The following CDC42 variants were observed in gnomAD, a reference collection of about 807,000 sequenced individuals.
CDC42 encodes the protein cell division cycle 42, also known as cell division control protein 42 homolog.
A neutral mutation model predicts 20.8 loss-of-function variants in CDC42; 1 was observed. That is an observed-to-expected ratio of 0.05 (90% CI 0.02 to 0.23). The LOEUF is 0.23. Among genes scored for constraint, CDC42 ranks in the 10% least tolerant of loss-of-function variants. The probability of loss-of-function intolerance (pLI) is 1.00; values close to 1 mark genes in which losing one functional copy is unlikely to be tolerated. For synonymous variants in CDC42, 72 were observed against 84.8 expected (o/e 0.85, Z 0.83); for missense variants, 49 against 227.9 (o/e 0.21, Z 5.05).
At chr1:22,063,971 T>G (rs1645393260) in intron 1 of CDC42, 1 of 152,026 alleles carries the variant, frequency 6.6e-6, no homozygotes, top group South Asian at 2.1e-4. Flanking sequence ...CTTCCTGCCT[T>G]GGCCTCCCAA....
chr1:22,078,408 A>G (rs1230708601), intron 1 of CDC42, 21 bp from the exon 2 acceptor site: 5 of 1,176,250 alleles, frequency 4.3e-6, no homozygotes, highest in Non-Finnish European at 6.2e-6. Context: ...AAATAAACAA[A>G]TGTCTTTAAT....
chr1:22,069,290 C>T (rs1645457756), intron 1 of CDC42, among the ~76,000 whole-genome samples: 1 of 150,904 alleles, frequency 6.6e-6, no homozygotes, highest in South Asian at 2.1e-4. Context: ...ATTCTCCTGC[C>T]TCACCCTCCC....
chr1:22,084,333 C>CTTTTTTTTTTT (rs1481666350), intron 3 of CDC42, among the ~76,000 whole-genome samples: 1 of 40,212 alleles, frequency 2.5e-5, no homozygotes, highest in Admixed American at 3.1e-4. Flanking sequence ...CACTTATTTC[C>CTTTTTTTTTTT]TGTTTTTTTT....
At chr1:22,064,204 A>C (rs1221626036) in intron 1 of CDC42, 1 of 152,168 alleles carries the variant, frequency 6.6e-6, no homozygotes, top group African/African-American at 2.4e-5. Flanking sequence ...AAACAAAAAA[A>C]CAAAAAACCT....
In CDC42 at chr1:22,064,274, A is replaced by G. The variant is rs1569972650; in HGVS notation, c.-51+11532A>G. On this transcript the variant is annotated intron_variant, in intron 1 of 5. Transcript: ENST00000656825. Reference sequence around the variant, plus strand: ...TGTAATCTTTCTTCCCTTCTAATCAAATACTCTTGTGAATGCTCTTTTTTT... The same window carrying G: ...TGTAATCTTTCTTCCCTTCTAATCAGATACTCTTGTGAATGCTCTTTTTTT... 2.0e-5 allele frequency: 3 copies of G among 150,810 alleles called. No individual in the cohort carries two copies. The East Asian group carries it at 5.9e-4, about 30-fold the overall frequency. 9.3% of individuals were successfully genotyped at this position (150,810 alleles called of 1,614,324 possible).
intron 1 of CDC42, among the ~76,000 whole-genome samples, chr1:22,070,063 TAGGCTTG>T (rs1235678248): frequency 6.6e-6 from 1 of 152,162 alleles, no homozygotes; most frequent in East Asian, 1.9e-4. Context: ...GCTGGGATTG[TAGGCTTG>T]AGCCACTGTG....
At position 22,097,990 on chromosome 1, in the gene CDC42, C is replaced by T. The variant is rs1645768228; in HGVS notation, c.*6473C>T. Among the ~76,000 whole-genome samples the T allele has an allele frequency of 6.6e-6, 1 of 152,052 alleles. No individual in the cohort carries two copies. Among genetic ancestry groups the T allele is most frequent in the Admixed American group, 6.6e-5 (1 of 15,262 alleles). ...TAAGGTAAGTATAGCATTTTCTCAA[C>T]CCTATTACAATAGAGCACAGGATCA... On this transcript the variant is annotated 3_prime_UTR_variant, in exon 6 of 6. Coordinates refer to ENST00000656825, the MANE Select transcript of CDC42 (RefSeq NM_001791.4).
intron 3 of CDC42, among the ~76,000 whole-genome samples, chr1:22,085,270 T>C (rs1412536040): frequency 1.3e-5 from 2 of 149,094 alleles, no homozygotes; most frequent in Non-Finnish European, 3.0e-5. Context: ...TGCCCACATA[T>C]GTAAGGGTTT....
Position 22,099,366 on chromosome 1 carries a change from TCA to T in CDC42, c.*7852_*7853del, listed in dbSNP as rs776573475. 6.6e-5 allele frequency among the ~76,000 whole-genome samples: 10 copies of T among 152,242 alleles called. No individual in the cohort carries two copies. Among genetic ancestry groups the T allele is most frequent in the Non-Finnish European group, 1.3e-4 (9 of 68,042 alleles). On this transcript the variant is annotated 3_prime_UTR_variant, in exon 6 of 6. Transcript: ENST00000656825. ...CACATGGTGTTATCACACTTGCTACTCACAACAGCTCTGAGGTTGATAGTACA... is the reference window on the plus strand; with the variant it reads ...CACATGGTGTTATCACACTTGCTACTCAACAGCTCTGAGGTTGATAGTACA...
intron 1 of CDC42, among the ~76,000 whole-genome samples, chr1:22,077,225 C>T (rs932776206): frequency 1.3e-5 from 2 of 152,108 alleles, no homozygotes; most frequent in African/African-American, 4.8e-5. Context: ...ATGTGAGTTA[C>T]TCACACTAAT....
At chr1:22,055,490 ATTT>A (rs35959719) in intron 1 of CDC42, among the ~76,000 whole-genome samples, 5 of 137,486 alleles carry the variant, frequency 3.6e-5, no homozygotes, top group Non-Finnish European at 4.7e-5. Flanking sequence ...AAAATTGGTG[ATTT>A]TTTTTTTTTT....
intron 3 of CDC42, among the ~76,000 whole-genome samples, chr1:22,085,724 C>G (rs554804714): frequency 1.3e-5 from 2 of 152,216 alleles, no homozygotes; most frequent in African/African-American, 4.8e-5. Context: ...GTTTCAGATA[C>G]CGGTCTTATA....
intron 1 of CDC42, among the ~76,000 whole-genome samples, chr1:22,069,304 T>C (rs1645457946): frequency 6.7e-6 from 1 of 149,560 alleles, no homozygotes; most frequent in East Asian, 2.0e-4. Flanking sequence ...CCCTCCCAAA[T>C]AGCTGGGACT....
chr1:22,090,792 C>T (rs1218807439), intron 5 of CDC42: 3 of 984,854 alleles, frequency 3.0e-6, no homozygotes, highest in South Asian at 9.4e-5. Context: ...TAAAAATATA[C>T]AACCGTTTGT....
chr1:22,092,767 A>AT lies in CDC42; in HGVS notation c.*1256dup, dbSNP rs1438904219. The AT allele has an allele frequency of 6.6e-6, 1 of 152,464 alleles. No individual in the cohort carries two copies. Among genetic ancestry groups the AT allele is most frequent in the Non-Finnish European group, 1.5e-5 (1 of 68,008 alleles). 9.4% of individuals were successfully genotyped at this position (152,464 alleles called of 1,614,324 possible). A position where few individuals can be genotyped will look rare whatever the true frequency, so the allele number is the denominator to read the frequency against. ...AGACTCTTCTTAAGTGTTAATAGGG[A>AT]TTTTTTCAGCTTATTTTGGTTGCAG... On this transcript the variant is annotated 3_prime_UTR_variant, in exon 6 of 6. Transcript: ENST00000656825.
chr1:22,086,302 C>T, intron 3 of CDC42, 137 bp from the exon 4 acceptor site: 1 of 573,404 alleles, frequency 1.7e-6, no homozygotes, highest in Non-Finnish European at 3.1e-6. Flanking sequence ...GAATATTGCC[C>T]ACATATTATA....
chr1:22,055,604 C>T (rs1645296429), intron 1 of CDC42, among the ~76,000 whole-genome samples: 2 of 151,904 alleles, frequency 1.3e-5, no homozygotes, highest in African/African-American at 4.8e-5. Context: ...ATCCTTCCAC[C>T]TCAGCCTCTG....
chr1:22,074,047 T>C (rs1241860212), intron 1 of CDC42: 2 of 152,224 alleles, frequency 1.3e-5, no homozygotes, highest in African/African-American at 4.8e-5. Flanking sequence ...GATTCAGTTA[T>C]TGGTGCAAAA....
intron 1 of CDC42, chr1:22,053,186 G>A (rs1645255818): frequency 6.6e-6 from 1 of 151,508 alleles, no homozygotes; most frequent in South Asian, 2.1e-4. Context: ...CGTGCTGGCA[G>A]GCTGCGTTCC....
Sources: allele counts gnomAD v4.1 joint callset (sites outside exome capture counted in the v4.1 genomes callset), GRCh38; gene constraint gnomAD v4.1.1; transcripts MANE v1.5; gene names NCBI Gene and HGNC (gene_info 2026-07-23, HGNC 2026-07-21).